The following TRPC4 variants were observed in gnomAD, a reference collection of about 807,000 sequenced individuals.
TRPC4 encodes transient receptor potential cation channel subfamily C member 4.
In TRPC4, 49 loss-of-function variants were observed where a neutral mutation model predicts 99.4. The ratio of observed to expected loss-of-function variants is 0.49; its 90% CI spans 0.39 to 0.63. TRPC4 has a LOEUF of 0.63. TRPC4 is among the 20% of genes least tolerant of loss of function. TRPC4 has a pLI of 0.00. For missense variants in TRPC4, 898 were observed against 1,152.9 expected (o/e 0.78, Z 3.20); for synonymous variants, 454 against 425.9 (o/e 1.07, Z -0.81).
chr13:37,791,242 A>G (rs914117453), intron 1 of TRPC4, among the ~76,000 whole-genome samples: 1 of 151,916 alleles, frequency 6.6e-6, no homozygotes, highest in Non-Finnish European at 1.5e-5. Context: ...AAATATGAAA[A>G]AAAATTAGCC....
intron 1 of TRPC4, among the ~76,000 whole-genome samples, chr13:37,814,606 C>A (rs1957791187): frequency 6.6e-6 from 1 of 151,704 alleles, no homozygotes; most frequent in Non-Finnish European, 1.5e-5. Flanking sequence ...AAGTGAAAGA[C>A]TTGTAGTCTT....
chr13:37,667,857 T>G (rs769965405), intron 5 of TRPC4, among the ~76,000 whole-genome samples: 5 of 152,256 alleles, frequency 3.3e-5, no homozygotes, highest in Admixed American at 6.5e-5. Context: ...TGCTTTTCCA[T>G]GAACATTGTA....
chr13:37,777,808 C>T (rs184339381), intron 2 of TRPC4, among the ~76,000 whole-genome samples: 1 of 151,910 alleles, frequency 6.6e-6, no homozygotes, highest in Non-Finnish European at 1.5e-5. Context: ...AAGATTCAGA[C>T]CACAGGCCTG....
At chr13:37,742,235 G>A (rs1173460398) in intron 3 of TRPC4, among the ~76,000 whole-genome samples, 1 of 152,106 alleles carries the variant, frequency 6.6e-6, no homozygotes, top group African/African-American at 2.4e-5. Flanking sequence ...TGAGATTAGA[G>A]AAGTACCAGA....
At chr13:37,643,389 A>G (rs968091994) in intron 8 of TRPC4, among the ~76,000 whole-genome samples, 1 of 152,234 alleles carries the variant, frequency 6.6e-6, no homozygotes, top group Non-Finnish European at 1.5e-5. Context: ...GGCAAATACA[A>G]AAGAAAACAC....
At chr13:37,801,519 AT>A (rs1957400603) in intron 1 of TRPC4, among the ~76,000 whole-genome samples, 1 of 152,160 alleles carries the variant, frequency 6.6e-6, no homozygotes, top group African/African-American at 2.4e-5. Flanking sequence ...AAAAAAGGTT[AT>A]AAATCTTTTA....
At chr13:37,724,130 AATT>A in intron 3 of TRPC4, among the ~76,000 whole-genome samples, 1 of 152,302 alleles carries the variant, frequency 6.6e-6, no homozygotes, top group East Asian at 1.9e-4. Context: ...GTAAATATGT[AATT>A]ATTGATATTT....
chr13:37,775,543 T>G (rs1433766280), intron 2 of TRPC4, among the ~76,000 whole-genome samples: 1 of 151,594 alleles, frequency 6.6e-6, no homozygotes, highest in Non-Finnish European at 1.5e-5. Context: ...GATGATAAAG[T>G]CAAGGCTCAA....
intron 1 of TRPC4, among the ~76,000 whole-genome samples, chr13:37,817,193 T>C (rs995921466): frequency 2.0e-5 from 3 of 152,032 alleles, no homozygotes; most frequent in Non-Finnish European, 2.9e-5. Context: ...ACAAAATCAA[T>C]GGGCAAAATT....
intron 1 of TRPC4, among the ~76,000 whole-genome samples, chr13:37,857,483 G>C (rs1016993265): frequency 6.6e-6 from 1 of 150,854 alleles, no homozygotes; most frequent in African/African-American, 2.4e-5. Context: ...AAAAATAACA[G>C]AACTGGAGGA....
chr13:37,827,733 G>A (rs1429540634), intron 1 of TRPC4, among the ~76,000 whole-genome samples: 2 of 152,176 alleles, frequency 1.3e-5, no homozygotes, highest in African/African-American at 2.4e-5. Flanking sequence ...TTGTTTGTCT[G>A]TGCCCTGCCC....
chr13:37,805,924 AT>A (rs1338842068), intron 1 of TRPC4, among the ~76,000 whole-genome samples: 1 of 152,022 alleles, frequency 6.6e-6, no homozygotes, highest in East Asian at 1.9e-4. Context: ...AAAGAAACAC[AT>A]TTTTCTTGAG....
intron 1 of TRPC4, among the ~76,000 whole-genome samples, chr13:37,799,721 G>GC (rs1957352258): frequency 6.6e-6 from 1 of 152,166 alleles, no homozygotes; most frequent in Non-Finnish European, 1.5e-5. Flanking sequence ...GGGGTTTACT[G>GC]CAATCACATT....
chr13:37,705,754 T>C (rs1297559963), intron 3 of TRPC4, among the ~76,000 whole-genome samples: 3 of 152,132 alleles, frequency 2.0e-5, no homozygotes, highest in African/African-American at 4.8e-5. Context: ...AACTATTTCA[T>C]AGTCCTCAGG....
At chr13:37,793,258 G>T (rs940970536) in intron 1 of TRPC4, among the ~76,000 whole-genome samples, 2 of 151,998 alleles carry the variant, frequency 1.3e-5, no homozygotes, top group Admixed American at 6.6e-5. Context: ...ACTGTGGAAG[G>T]CACCCTGTGC....
At chr13:37,716,076 G>A (rs1046536314) in intron 3 of TRPC4, among the ~76,000 whole-genome samples, 5 of 151,516 alleles carry the variant, frequency 3.3e-5, no homozygotes, top group Non-Finnish European at 7.4e-5. Flanking sequence ...TTGAGTGTTT[G>A]TATTTTTACA....
At chr13:37,640,863 A>G (rs910568332) in intron 8 of TRPC4, among the ~76,000 whole-genome samples, 1 of 152,218 alleles carries the variant, frequency 6.6e-6, no homozygotes, top group Non-Finnish European at 1.5e-5. Context: ...TCATTATTTA[A>G]GTAGCTAGAA....
At chr13:37,702,815 A>G (rs1954145983) in intron 3 of TRPC4, among the ~76,000 whole-genome samples, 1 of 152,192 alleles carries the variant, frequency 6.6e-6, no homozygotes, top group Non-Finnish European at 1.5e-5. Flanking sequence ...CATCTCCCAT[A>G]TCAGTCTTCT....
chr13:37,711,652 A>G (rs115598301), intron 3 of TRPC4, among the ~76,000 whole-genome samples: 1,847 of 152,148 alleles, frequency 0.012, 39 homozygotes, highest in African/African-American at 0.043. Flanking sequence ...ATCTGTAAAG[A>G]GATTTAAAGT....
Sources: allele counts gnomAD v4.1 joint callset (sites outside exome capture counted in the v4.1 genomes callset), GRCh38; gene constraint gnomAD v4.1.1; transcripts MANE v1.5; gene names NCBI Gene and HGNC (gene_info 2026-07-23, HGNC 2026-07-21).